The following ABLIM2 variants were observed in gnomAD, a reference collection of about 807,000 sequenced individuals.
ABLIM2 encodes the protein actin binding LIM protein family member 2, also known as actin-binding LIM protein 2.
Under a neutral mutation model 97.7 loss-of-function variants are expected in ABLIM2, and 53 were observed. That is an observed-to-expected ratio of 0.54 (90% CI 0.44 to 0.68). The LOEUF is 0.68. Among genes scored for constraint, ABLIM2 ranks in the 30% least tolerant of loss-of-function variants. ABLIM2 has a pLI of 0.00. For synonymous variants in ABLIM2, 361 were observed against 345.8 expected (o/e 1.04, Z -0.49); for missense variants, 835 against 867.2 (o/e 0.96, Z 0.47).
chr4:8,137,771 TTAGAGA>T (rs1850391016), intron 1 of ABLIM2, among the ~76,000 whole-genome samples: 1 of 152,042 alleles, frequency 6.6e-6, no homozygotes, highest in Non-Finnish European at 1.5e-5. Flanking sequence ...CCTCGAAAAC[TTAGAGA>T]TAGAATGGCC....
rs982376262 is a variant in ABLIM2, at chr4:8,125,510, G to A, written c.11-18873C>T. ...CTTGGTGCCAGACTGCTTCTGGGATGGCTCTGCCATCAGCGTTGACGGTCT... is the reference window on the plus strand; with the variant it reads ...CTTGGTGCCAGACTGCTTCTGGGATAGCTCTGCCATCAGCGTTGACGGTCT... On this transcript the variant is annotated intron_variant, in intron 1 of 20. Transcript: ENST00000447017. The surrounding 1 kb of genome is among the most constrained non-coding windows in gnomAD (Gnocchi z 6.2). 6.6e-6 allele frequency among the ~76,000 whole-genome samples: 1 copy of A among 152,172 alleles called. No individual in the cohort carries two copies. Among genetic ancestry groups the A allele is most frequent in the Non-Finnish European group, 1.5e-5 (1 of 68,036 alleles).
chr4:8,036,996 G>T (rs867189431), intron 9 of ABLIM2, among the ~76,000 whole-genome samples: 2 of 152,162 alleles, frequency 1.3e-5, no homozygotes, highest in African/African-American at 2.4e-5. Flanking sequence ...CTTGCCTGTA[G>T]CCTGTGCACA....
At chr4:8,114,425 G>T (rs752730959) in intron 1 of ABLIM2, among the ~76,000 whole-genome samples, 4 of 152,130 alleles carry the variant, frequency 2.6e-5, no homozygotes, top group Admixed American at 6.5e-5. Context: ...ACAAACCCCC[G>T]CCCGTGCCTT....
rs1241210319 is a variant in ABLIM2 at position 8,124,343 on chromosome 4, G to A, written c.11-17706C>T. 2.0e-5 allele frequency among the ~76,000 whole-genome samples: 3 copies of A among 152,140 alleles called. No homozygotes were observed. The highest frequency in any genetic ancestry group is 4.4e-5 in the Non-Finnish European group (3 of 68,034). ...GGCTTTTGGTATTTCACAGAGCTGC[G>A]TGCTGATCACCATAATCCATTTTAG... is the stretch of plus-strand genomic sequence containing the variant. On this transcript the variant is annotated intron_variant, in intron 1 of 20. Transcript: ENST00000447017. This position sits in a 1 kb window ranked among gnomAD's most constrained non-coding sequence, Gnocchi z 6.1.
At position 8,068,109 on chromosome 4, in the gene ABLIM2, C is replaced by T. The variant is rs1809242138; in HGVS notation, c.676-7055G>A. ...GTCCCAGTCATCGGTACAGTGGCCA[C>T]ATCCTCCCAATTGCCACCCGAGGAG... On this transcript the variant is annotated intron_variant, in intron 6 of 20. Coordinates refer to ENST00000447017, the MANE Select transcript of ABLIM2 (RefSeq NM_001130083.2). The surrounding 1 kb of genome is among the most constrained non-coding windows in gnomAD (Gnocchi z 4.5). Among the ~76,000 whole-genome samples, 2 of 152,170 alleles carry T rather than the reference C, an allele frequency of 1.3e-5. No homozygotes were observed. The highest frequency in any genetic ancestry group is 2.4e-5 in the African/African-American group (1 of 41,444).
At chr4:8,116,739 A>C (rs1225678081) in intron 1 of ABLIM2, among the ~76,000 whole-genome samples, 1 of 152,212 alleles carries the variant, frequency 6.6e-6, no homozygotes, top group Non-Finnish European at 1.5e-5. Flanking sequence ...TCATTGAGAA[A>C]GGGGTCTTCA....
chr4:7,967,221 C>T, intron 20 of ABLIM2, 118 bp from the exon 21 acceptor site: 1 of 819,064 alleles, frequency 1.2e-6, no homozygotes, highest in East Asian at 2.4e-5. Flanking sequence ...ATGGGGTGGC[C>T]CTCAGCGTGC....
intron 2 of ABLIM2, among the ~76,000 whole-genome samples, chr4:8,100,700 C>G (rs1027078359): frequency 1.1e-4 from 15 of 141,552 alleles, no homozygotes; most frequent in African/African-American, 3.5e-4. Context: ...GAGCCAAGAT[C>G]GCGCCACTGC....
chr4:8,096,730 G>C (rs934579713), intron 3 of ABLIM2, among the ~76,000 whole-genome samples: 3 of 152,214 alleles, frequency 2.0e-5, no homozygotes, highest in Non-Finnish European at 1.5e-5. Flanking sequence ...GAGGGAAGGG[G>C]GAGGCAGGGA....
At chr4:7,979,357 C>T (rs980796704) in intron 20 of ABLIM2, among the ~76,000 whole-genome samples, 4 of 152,254 alleles carry the variant, frequency 2.6e-5, no homozygotes, top group African/African-American at 7.2e-5. Context: ...CTCCCTCCTG[C>T]TCAGCCCCAT....
At chr4:8,121,014 C>A (rs928648065) in intron 1 of ABLIM2, among the ~76,000 whole-genome samples, 3 of 152,162 alleles carry the variant, frequency 2.0e-5, no homozygotes, top group African/African-American at 7.2e-5. Context: ...AATCAAAAAA[C>A]GATAGTCCAA....
chr4:8,097,430 T>C, intron 2 of ABLIM2, 148 bp from the exon 3 acceptor site: 1 of 1,006,380 alleles, frequency 9.9e-7, no homozygotes, highest in Non-Finnish European at 1.4e-6. Context: ...CTTGCTCAAC[T>C]CTCGGCGGGC....
At chr4:7,989,457 T>C (rs1297149290) in intron 17 of ABLIM2, 2 of 985,160 alleles carry the variant, frequency 2.0e-6, no homozygotes, top group Non-Finnish European at 1.2e-6. Context: ...GGCATTGCCA[T>C]GTTGCTTGGT....
Position 8,054,236 on chromosome 4 carries a change from G to A in ABLIM2, c.774C>T (p.Ile258=). 2 of 1,614,070 alleles carry A rather than the reference G, an allele frequency of 1.2e-6. No individual in the cohort carries two copies. The highest frequency in any genetic ancestry group is 1.7e-6 in the Non-Finnish European group (2 of 1,179,896). The change falls in exon 8 of 21, where the codon ATC becomes ATT. Residue 258 remains isoleucine, a synonymous_variant. Transcript: ENST00000447017. The surrounding 1 kb of genome is among the most constrained non-coding windows in gnomAD (Gnocchi z 4.9). ...GEEMYLQGSS[I]WHPACRQAAR... ...CTGCTTGTCGACACGCCGGATGCCA[G>A]ATGGAGGAACCTGTTGACAAATTCC... is the stretch of plus-strand genomic sequence containing the variant.
chr4:7,979,010 G>A (rs11734838), intron 20 of ABLIM2, among the ~76,000 whole-genome samples: 32,427 of 152,162 alleles, frequency 0.21, 4,455 homozygotes, highest in Middle Eastern at 0.33. Flanking sequence ...AGCCTCACCT[G>A]CACACTCACT....
chr4:8,045,360 T>G (rs1023186292), intron 8 of ABLIM2, 119 bp from the exon 9 acceptor site: 2 of 989,370 alleles, frequency 2.0e-6, no homozygotes, highest in African/African-American at 3.2e-5. Flanking sequence ...TTCTTTAAAG[T>G]TGGGGCTGGG....
chr4:8,027,526 C>T (rs1031780481), intron 12 of ABLIM2, among the ~76,000 whole-genome samples: 7 of 152,334 alleles, frequency 4.6e-5, no homozygotes, highest in Middle Eastern at 6.8e-3. Context: ...CTGTAGCTTT[C>T]CAAGCCCTCT....
rs1419826084 is a variant in ABLIM2, at chr4:8,083,318, C to T, written c.455-2516G>A. 1.3e-5 allele frequency among the ~76,000 whole-genome samples: 2 copies of T among 152,162 alleles called. No individual in the cohort carries two copies. The highest frequency in any genetic ancestry group is 1.9e-4 in the East Asian group (1 of 5,192). Reference sequence around the variant, plus strand: ...CCCTGGAATGAGGGCACGTGTGATCCGTGAATAAATGCACACACGTTGACC... The same window carrying T: ...CCCTGGAATGAGGGCACGTGTGATCTGTGAATAAATGCACACACGTTGACC... On this transcript the variant is annotated intron_variant, in intron 4 of 20. Coordinates refer to ENST00000447017, the MANE Select transcript of ABLIM2 (RefSeq NM_001130083.2). The surrounding 1 kb of genome is among the most constrained non-coding windows in gnomAD (Gnocchi z 4.6).
At position 8,140,010 on chromosome 4, in the gene ABLIM2, C is replaced by A. The variant is rs955099880; in HGVS notation, c.10+18670G>T. Among the ~76,000 whole-genome samples the A allele has an allele frequency of 2.0e-5, 3 of 149,642 alleles. No individual in the cohort carries two copies. The highest frequency in any genetic ancestry group is 3.0e-5 in the Non-Finnish European group (2 of 67,788). On this transcript the variant is annotated intron_variant, in intron 1 of 20. Transcript: ENST00000447017. The surrounding 1 kb of genome is among the most constrained non-coding windows in gnomAD (Gnocchi z 5.9). ...AGCAAACTAACACAGGAACAGAAAA[C>A]CAAACACTACATGTTCTCACTTACA... is the stretch of plus-strand genomic sequence containing the variant.
Sources: allele counts gnomAD v4.1 joint callset (sites outside exome capture counted in the v4.1 genomes callset), GRCh38; gene constraint gnomAD v4.1.1; non-coding constraint Gnocchi (gnomAD v3.1); transcripts MANE v1.5; gene names NCBI Gene and HGNC (gene_info 2026-07-23, HGNC 2026-07-21).